The following TBC1D1 variants were observed in gnomAD, a reference collection of about 807,000 sequenced individuals.
TBC1D1 encodes the protein TBC1 domain family member 1.
TBC1D1 carries 89 observed loss-of-function variants against 125.6 expected under a neutral mutation model. The observed-to-expected ratio is 0.71, with a 90% CI of 0.60 to 0.85. The LOEUF is 0.85. TBC1D1 is among the 40% of genes least tolerant of loss of function. The pLI is 0.00. For synonymous variants in TBC1D1, 565 were observed against 564.1 expected (o/e 1.00, Z -0.02); for missense variants, 1,377 against 1,469.2 (o/e 0.94, Z 1.03).
intron 2 of TBC1D1, among the ~76,000 whole-genome samples, chr4:37,984,226 T>C (rs1196989355): frequency 1.3e-5 from 2 of 152,210 alleles, no homozygotes; most frequent in African/African-American, 4.8e-5. Context: ...TATAAACATC[T>C]CTGTGTAGGT....
At chr4:38,073,290 A>G (rs1755021175) in intron 12 of TBC1D1, among the ~76,000 whole-genome samples, 2 of 152,162 alleles carry the variant, frequency 1.3e-5, no homozygotes, top group African/African-American at 4.8e-5. Flanking sequence ...AATCTTCTGG[A>G]TTGCAGATTT....
At chr4:37,981,776 T>G (rs1734380232) in intron 2 of TBC1D1, among the ~76,000 whole-genome samples, 1 of 152,174 alleles carries the variant, frequency 6.6e-6, no homozygotes, top group South Asian at 2.1e-4. Context: ...GATTTGCTTT[T>G]AAGTGTAGTC....
At chr4:37,908,091 CG>C (rs1001945254) in intron 2 of TBC1D1, among the ~76,000 whole-genome samples, 1 of 151,860 alleles carries the variant, frequency 6.6e-6, no homozygotes, top group African/African-American at 2.4e-5. Context: ...TGGGAAATGG[CG>C]GGGGTTCTTG....
chr4:38,073,127 C>T (rs1045437133), intron 12 of TBC1D1, among the ~76,000 whole-genome samples: 4 of 152,182 alleles, frequency 2.6e-5, no homozygotes, highest in Non-Finnish European at 5.9e-5. Context: ...TCAGTTCTTT[C>T]GGATATGTAC....
chr4:37,897,296 A>G (rs910477176), intron 1 of TBC1D1, among the ~76,000 whole-genome samples: 2 of 152,324 alleles, frequency 1.3e-5, no homozygotes, highest in African/African-American at 4.8e-5. Flanking sequence ...TATTATTTGC[A>G]TAGTTTATCT....
intron 2 of TBC1D1, among the ~76,000 whole-genome samples, chr4:37,918,456 T>C (rs1254690885): frequency 6.6e-6 from 1 of 151,928 alleles, no homozygotes; most frequent in Non-Finnish European, 1.5e-5. Context: ...TCCTCTTTTT[T>C]TTTTTTTTTG....
intron 2 of TBC1D1, among the ~76,000 whole-genome samples, chr4:38,004,342 C>T (rs1226645497): frequency 6.6e-6 from 1 of 152,146 alleles, no homozygotes; most frequent in Non-Finnish European, 1.5e-5. Context: ...TACTTCCCTC[C>T]CTCCCTCAAC....
intron 2 of TBC1D1, among the ~76,000 whole-genome samples, chr4:37,968,412 C>T (rs750879002): frequency 2.0e-5 from 3 of 152,266 alleles, no homozygotes; most frequent in Non-Finnish European, 2.9e-5. Context: ...TGGCTGGGGC[C>T]GCTAAAAATG....
chr4:38,013,053 A>G (rs1333598837), intron 2 of TBC1D1, among the ~76,000 whole-genome samples: 2 of 152,162 alleles, frequency 1.3e-5, no homozygotes, highest in Admixed American at 6.5e-5. Context: ...TTGGCCTCCC[A>G]AAGTGCTGGG....
intron 15 of TBC1D1, among the ~76,000 whole-genome samples, chr4:38,112,588 G>T (rs1017276922): frequency 2.0e-5 from 3 of 152,212 alleles, no homozygotes; most frequent in Admixed American, 2.0e-4. Context: ...AGAGAAGCTA[G>T]GTAGTCCATT....
At chr4:38,018,741 G>A (rs568478467) in intron 4 of TBC1D1, among the ~76,000 whole-genome samples, 36 of 152,150 alleles carry the variant, frequency 2.4e-4, no homozygotes, top group African/African-American at 8.2e-4. Context: ...ACATGTGTGT[G>A]TCTTTGTGCA....
At chr4:37,950,873 C>T (rs1472024725) in intron 2 of TBC1D1, among the ~76,000 whole-genome samples, 1 of 151,882 alleles carries the variant, frequency 6.6e-6, no homozygotes, top group African/African-American at 2.4e-5. Context: ...ATTCTCCTGC[C>T]TCAGCCTCCC....
intron 12 of TBC1D1, among the ~76,000 whole-genome samples, chr4:38,084,176 T>C (rs975292833): frequency 1.3e-5 from 2 of 152,202 alleles, no homozygotes; most frequent in African/African-American, 4.8e-5. Flanking sequence ...CCTCATGATC[T>C]GCCCGCCTCG....
chr4:37,896,917 C>A (rs1443955918), intron 1 of TBC1D1, among the ~76,000 whole-genome samples: 4 of 151,996 alleles, frequency 2.6e-5, no homozygotes, highest in Non-Finnish European at 5.9e-5. Context: ...TAAAGGACAT[C>A]TTTGTGTCTT....
chr4:38,014,528 C>G lies in TBC1D1; in HGVS notation c.437C>G (p.Ser146Cys). Reference sequence around the variant, plus strand: ...CCTCAGGTGCCTGAGATCATCAGCTCCATCCGTCAGGCGGGGAAGATCGCC... The same window carrying G: ...CCTCAGGTGCCTGAGATCATCAGCTGCATCCGTCAGGCGGGGAAGATCGCC... Residue 146 changes from serine to cysteine, a missense_variant, in exon 3 of 20, where the codon TCC (serine) becomes TGC (cysteine). This residue lies in a region of TBC1D1 where 822 missense variants were observed against 824.6 expected (regional missense o/e 1.00). Transcript: ENST00000261439. This position sits in a 1 kb window ranked among gnomAD's most constrained non-coding sequence, Gnocchi z 5.1. 6.2e-7 allele frequency: 1 copy of G among 1,613,126 alleles called. No individual in the cohort carries two copies. The highest frequency in any genetic ancestry group is 8.5e-7 in the Non-Finnish European group (1 of 1,179,870).
intron 15 of TBC1D1, among the ~76,000 whole-genome samples, chr4:38,107,581 T>TTTTG (rs1553939906): frequency 7.1e-6 from 1 of 140,278 alleles, no homozygotes; most frequent in African/African-American, 2.6e-5. Flanking sequence ...AAACAGGTTT[T>TTTTG]TTTTTTTTTT....
intron 12 of TBC1D1, among the ~76,000 whole-genome samples, chr4:38,070,639 T>G (rs1385269074): frequency 3.3e-5 from 5 of 152,234 alleles, no homozygotes; most frequent in African/African-American, 1.2e-4. Flanking sequence ...GCATTTTTTC[T>G]ATAAAAATTA....
At chr4:38,029,034 C>T (rs1426603840) in intron 7 of TBC1D1, among the ~76,000 whole-genome samples, 2 of 152,072 alleles carry the variant, frequency 1.3e-5, no homozygotes, top group Non-Finnish European at 2.9e-5. Flanking sequence ...CAGTGTATCT[C>T]GGGGAGACCA....
intron 19 of TBC1D1, 69 bp from the exon 22 acceptor site, chr4:38,137,066 G>T (rs775323695): frequency 1.2e-6 from 2 of 1,606,446 alleles, no homozygotes; most frequent in Non-Finnish European, 1.7e-6. Flanking sequence ...GCTGGACAGC[G>T]TGTGGGCACT....
Sources: gnomAD v4.1 joint callset for allele counts (sites outside exome capture counted in the v4.1 genomes callset) on GRCh38, gnomAD v4.1.1 for gene constraint, gnomAD v4.1.1 regional missense constraint, Gnocchi (gnomAD v3.1) non-coding constraint, MANE v1.5 for transcripts, NCBI Gene and HGNC (gene_info 2026-07-23, HGNC 2026-07-21) for gene names.